GALNTL6: variants seen among roughly 807,000 people sequenced by gnomAD.
The protein encoded by GALNTL6 is polypeptide N-acetylgalactosaminyltransferase like 6.
GALNTL6 carries 46 observed loss-of-function variants against 73.7 expected under a neutral mutation model. The ratio of observed to expected loss-of-function variants is 0.62; its 90% CI spans 0.49 to 0.80. The LOEUF is 0.80. GALNTL6 is among the 30% of genes least tolerant of loss of function. The pLI is 0.00. For missense variants in GALNTL6, 604 were observed against 755.0 expected (o/e 0.80, Z 2.34); for synonymous variants, 259 against 263.7 (o/e 0.98, Z 0.17).
At chr4:172,518,616 G>A (rs1016460326) in intron 5 of GALNTL6, among the ~76,000 whole-genome samples, 3 of 151,644 alleles carry the variant, frequency 2.0e-5, no homozygotes, top group Non-Finnish European at 4.4e-5. Context: ...CCAATATTCA[G>A]GTCAGAGATT....
chr4:172,646,019 C>G (rs1235677473), intron 5 of GALNTL6, among the ~76,000 whole-genome samples: 2 of 152,006 alleles, frequency 1.3e-5, no homozygotes, highest in Non-Finnish European at 2.9e-5. Flanking sequence ...GGCTTTTCTA[C>G]TTCTGCTGTT....
intron 5 of GALNTL6, among the ~76,000 whole-genome samples, chr4:172,769,313 A>G (rs760985747): frequency 5.9e-5 from 9 of 152,200 alleles, no homozygotes; most frequent in African/African-American, 1.2e-4. Context: ...AAAAAATTAA[A>G]TCAGCTTGAA....
chr4:172,976,453 A>G (rs1284273797), intron 10 of GALNTL6, among the ~76,000 whole-genome samples: 1 of 152,240 alleles, frequency 6.6e-6, no homozygotes, highest in African/African-American at 2.4e-5. Context: ...ATATCCCTGC[A>G]GGGGTACTCA....
At chr4:172,318,820 G>GAA (rs1258919961) in intron 4 of GALNTL6, among the ~76,000 whole-genome samples, 1 of 150,458 alleles carries the variant, frequency 6.6e-6, no homozygotes, top group East Asian at 1.9e-4. Flanking sequence ...CAGTGCACAT[G>GAA]AAAAAAAAAT....
At chr4:171,980,495 G>C (rs76712275) in intron 2 of GALNTL6, among the ~76,000 whole-genome samples, 8,137 of 152,216 alleles carry the variant, frequency 0.053, 602 homozygotes, top group African/African-American at 0.16. Context: ...AAATTCAAAA[G>C]TGCACAAAAA....
intron 5 of GALNTL6, among the ~76,000 whole-genome samples, chr4:172,548,719 T>C (rs1357558759): frequency 6.6e-6 from 1 of 152,190 alleles, no homozygotes; most frequent in Non-Finnish European, 1.5e-5. Flanking sequence ...AGCAACTAAT[T>C]AGATCTTACC....
chr4:171,898,675 A>T (rs1035188851), intron 2 of GALNTL6, among the ~76,000 whole-genome samples: 2 of 152,136 alleles, frequency 1.3e-5, no homozygotes, highest in Non-Finnish European at 2.9e-5. Context: ...CAAACCTATC[A>T]GTTGCCTGGA....
chr4:172,009,272 G>C (rs917898570), intron 2 of GALNTL6, among the ~76,000 whole-genome samples: 1 of 151,966 alleles, frequency 6.6e-6, no homozygotes, highest in Non-Finnish European at 1.5e-5. Flanking sequence ...TTAGCATCCG[G>C]GAGGTCTGAC....
chr4:172,780,906 G>A (rs1156500820), intron 5 of GALNTL6, among the ~76,000 whole-genome samples: 2 of 152,192 alleles, frequency 1.3e-5, no homozygotes, highest in Non-Finnish European at 2.9e-5. Context: ...GCTCACACGA[G>A]AGGACAGATG....
chr4:172,348,752 T>G, intron 5 of GALNTL6, 63 bp downstream of exon 5: 1 of 1,134,330 alleles, frequency 8.8e-7, no homozygotes, highest in Admixed American at 2.6e-5. Context: ...ATTAAGGACT[T>G]TTTAAAAAAG....
chr4:172,236,785 G>A (rs1737259363), intron 3 of GALNTL6, among the ~76,000 whole-genome samples: 1 of 151,412 alleles, frequency 6.6e-6, no homozygotes, highest in Admixed American at 6.6e-5. Context: ...TGCAAGTTGT[G>A]GGGGTTTGGT....
At chr4:172,858,582 C>T (rs560073104) in intron 7 of GALNTL6, among the ~76,000 whole-genome samples, 6 of 152,278 alleles carry the variant, frequency 3.9e-5, no homozygotes, top group African/African-American at 1.4e-4. Context: ...GTAATCTCAG[C>T]ATTTTGGGAG....
intron 5 of GALNTL6, among the ~76,000 whole-genome samples, chr4:172,580,801 C>T (rs893672189): frequency 1.1e-4 from 17 of 152,256 alleles, no homozygotes; most frequent in East Asian, 9.6e-4. Flanking sequence ...GTTTTTGAGA[C>T]GGAGTTTCGC....
intron 3 of GALNTL6, among the ~76,000 whole-genome samples, chr4:172,279,030 T>G (rs1738937634): frequency 6.6e-6 from 1 of 152,056 alleles, no homozygotes; most frequent in Non-Finnish European, 1.5e-5. Context: ...AAGAATGAAG[T>G]TGGACCCATA....
intron 2 of GALNTL6, among the ~76,000 whole-genome samples, chr4:172,065,721 T>C (rs182443024): frequency 2.6e-4 from 40 of 152,256 alleles, no homozygotes; most frequent in African/African-American, 9.4e-4. Flanking sequence ...TTGGCTAATT[T>C]ATAAAGAAAA....
At chr4:171,972,456 C>A (rs1167099754) in intron 2 of GALNTL6, among the ~76,000 whole-genome samples, 1 of 151,948 alleles carries the variant, frequency 6.6e-6, no homozygotes, top group Admixed American at 6.6e-5. Context: ...AGTTGTCTTT[C>A]AGACAATTAG....
intron 5 of GALNTL6, among the ~76,000 whole-genome samples, chr4:172,664,130 C>T (rs1431562696): frequency 6.6e-6 from 1 of 152,134 alleles, no homozygotes; most frequent in African/African-American, 2.4e-5. Flanking sequence ...GGTTTACTAC[C>T]TTAGGCACAG....
At chr4:171,963,111 A>G (rs1579011351) in intron 2 of GALNTL6, among the ~76,000 whole-genome samples, 1 of 151,308 alleles carries the variant, frequency 6.6e-6, no homozygotes, top group Non-Finnish European at 1.5e-5. Flanking sequence ...GGTAAATACA[A>G]TCTAAGAAGT....
chr4:172,746,361 A>G (rs1282531349), intron 5 of GALNTL6, among the ~76,000 whole-genome samples: 2 of 152,086 alleles, frequency 1.3e-5, no homozygotes, highest in South Asian at 2.1e-4. Flanking sequence ...CATCATTCCT[A>G]TTATAATGTG....
Sources: allele counts gnomAD v4.1 joint callset (sites outside exome capture counted in the v4.1 genomes callset), GRCh38; gene constraint gnomAD v4.1.1; transcripts MANE v1.5; gene names NCBI Gene and HGNC (gene_info 2026-07-23, HGNC 2026-07-21).